Variants in NALCN observed in about 807,000 individuals in gnomAD.
NALCN encodes the protein sodium leak channel, non-selective, also known as sodium leak channel NALCN.
A neutral mutation model predicts 225.3 loss-of-function variants in NALCN; 111 were observed. That is an observed-to-expected ratio of 0.49 (90% confidence interval 0.42 to 0.58). The LOEUF is 0.58. Among genes scored for constraint, NALCN ranks in the 20% least tolerant of loss-of-function variants. The pLI is 0.00. For missense variants in NALCN, 1,378 were observed against 2,202.4 expected, an observed-to-expected ratio of 0.63 and a Z score of 7.49; for synonymous variants, 764 against 769.0, an observed-to-expected ratio of 0.99 and a Z score of 0.11.
chr13:101,351,588 A>C (rs2045909902), intron 6 of NALCN, among the ~76,000 whole-genome samples: 1 of 152,154 alleles, frequency 6.6e-6, no homozygotes, highest in Admixed American at 6.5e-5. Flanking sequence ...CAACACAAAG[A>C]TGATCATCTC....
At chr13:101,150,589 G>A (rs879894275) in intron 15 of NALCN, among the ~76,000 whole-genome samples, 1 of 152,064 alleles carries the variant, frequency 6.6e-6, no homozygotes, top group Non-Finnish European at 1.5e-5. Flanking sequence ...GATACACAAA[G>A]TATTACATGT....
At position 101,193,102 on chromosome 13, in the gene NALCN, C is replaced by CTTTT. The variant is rs5806199; in HGVS notation, c.1627-1052_1627-1049dup. 8.2e-4 allele frequency among the ~76,000 whole-genome samples: 117 copies of CTTTT among 142,314 alleles called. 2 individuals are homozygous for CTTTT. Among genetic ancestry groups the CTTTT allele is most frequent in the African/African-American group, 2.9e-3 (114 of 38,664 alleles). The allele number at this position is 142,314 out of a possible 152,430, so 93.4% of individuals were successfully genotyped here. On this transcript the variant is annotated intron_variant, in intron 13 of 43. Coordinates refer to ENST00000251127, the MANE Select transcript of NALCN (RefSeq NM_052867.4). ...TAAAGATGATTTCATCTGATTCCTTCTTTTTTTTTTTTTTTTGAAGATAAG... is the reference window on the plus strand; with the variant it reads ...TAAAGATGATTTCATCTGATTCCTTCTTTTTTTTTTTTTTTTTTTTGAAGATAAG...
intron 28 of NALCN, among the ~76,000 whole-genome samples, chr13:101,092,916 A>G (rs684866): frequency 0.14 from 21,694 of 152,092 alleles, 3,544 homozygotes; most frequent in African/African-American, 0.4. Flanking sequence ...CATATTATAT[A>G]AAATTATTTG....
At chr13:101,277,176 C>G (rs2042997327) in intron 10 of NALCN, among the ~76,000 whole-genome samples, 1 of 151,900 alleles carries the variant, frequency 6.6e-6, no homozygotes, top group Non-Finnish European at 1.5e-5. Context: ...AAAATTAAGC[C>G]ACCTTAATCA....
At chr13:101,171,851 TA>T (rs2038738854) in intron 15 of NALCN, among the ~76,000 whole-genome samples, 1 of 152,216 alleles carries the variant, frequency 6.6e-6, no homozygotes, top group South Asian at 2.1e-4. Flanking sequence ...ATGCCTCGAT[TA>T]AGCAATAAGA....
At chr13:101,353,956 G>C (rs914033138) in intron 6 of NALCN, among the ~76,000 whole-genome samples, 2 of 152,142 alleles carry the variant, frequency 1.3e-5, no homozygotes, top group Non-Finnish European at 2.9e-5. Context: ...TACTTTGCCA[G>C]TATGGATAAG....
At chr13:101,218,685 G>A (rs905559004) in intron 13 of NALCN, among the ~76,000 whole-genome samples, 33 of 152,062 alleles carry the variant, frequency 2.2e-4, no homozygotes, top group African/African-American at 7.5e-4. Flanking sequence ...CATGAAATCA[G>A]GTTGCTTAAA....
Position 101,075,960 on chromosome 13 carries a change from A to G in NALCN, c.3886-19T>C, listed in dbSNP as rs112155323. ...ATGCATTCTGAAATTTAAACAGAAG[A>G]CAGCTTCTCATAATTTGCACAAAAG... On this transcript the variant is annotated intron_variant, in intron 34 of 43. Coordinates refer to ENST00000251127, the MANE Select transcript of NALCN (RefSeq NM_052867.4). 2 of 1,602,130 alleles carry G rather than the reference A, an allele frequency of 1.2e-6. No homozygotes were observed. Among genetic ancestry groups the G allele is most frequent in the Non-Finnish European group, 1.7e-6 (2 of 1,175,104 alleles).
intron 13 of NALCN, among the ~76,000 whole-genome samples, chr13:101,204,162 G>C (rs188034516): frequency 7.6e-4 from 115 of 152,274 alleles, no homozygotes; most frequent in African/African-American, 2.7e-3. Flanking sequence ...TTTGGAATTA[G>C]AGATCTGTTG....
intron 11 of NALCN, among the ~76,000 whole-genome samples, chr13:101,248,351 C>T (rs1429161161): frequency 6.6e-6 from 1 of 152,084 alleles, no homozygotes; most frequent in African/African-American, 2.4e-5. Context: ...TAGTGTCAAC[C>T]AAACTAAAAG....
At chr13:101,312,577 T>C (rs1435924054) in intron 7 of NALCN, among the ~76,000 whole-genome samples, 1,077 of 131,742 alleles carry the variant, frequency 8.2e-3, no homozygotes, top group African/African-American at 0.017. Context: ...TTCTCGTTGG[T>C]TTCAAAGAAC....
chr13:101,127,415 G>A (rs1237953410), intron 17 of NALCN, among the ~76,000 whole-genome samples: 2 of 152,176 alleles, frequency 1.3e-5, no homozygotes, highest in African/African-American at 4.8e-5. Flanking sequence ...TTGGAGGGCA[G>A]TGGTGTGATC....
intron 9 of NALCN, among the ~76,000 whole-genome samples, chr13:101,289,470 T>C (rs2043465842): frequency 6.6e-6 from 1 of 151,670 alleles, no homozygotes; most frequent in Non-Finnish European, 1.5e-5. Context: ...TCAGAGCCAG[T>C]TCCTAGTGAG....
At chr13:101,231,349 G>A (rs953940662) in intron 12 of NALCN, among the ~76,000 whole-genome samples, 2 of 152,060 alleles carry the variant, frequency 1.3e-5, no homozygotes, top group African/African-American at 4.8e-5. Flanking sequence ...CTTTGTGTTG[G>A]ACAAATAGGA....
chr13:101,255,115 T>C (rs2042188535), intron 11 of NALCN, among the ~76,000 whole-genome samples: 1 of 152,010 alleles, frequency 6.6e-6, no homozygotes, highest in Non-Finnish European at 1.5e-5. Flanking sequence ...AATTCCACCA[T>C]CCAATCCTGT....
At chr13:101,194,554 T>C (rs887223575) in intron 13 of NALCN, among the ~76,000 whole-genome samples, 43 of 152,214 alleles carry the variant, frequency 2.8e-4, no homozygotes, top group African/African-American at 1.0e-3. Flanking sequence ...ACATTGTCCG[T>C]AGGGCCTGTG....
intron 7 of NALCN, among the ~76,000 whole-genome samples, chr13:101,324,276 C>A (rs112536143): frequency 6.6e-6 from 1 of 151,962 alleles, no homozygotes; most frequent in African/African-American, 2.4e-5. Flanking sequence ...TTAACACTGA[C>A]GAAAGCAAAA....
Position 101,104,255 on chromosome 13 carries a change from A to T in NALCN, c.2889+40T>A, listed in dbSNP as rs201354779. The T allele has an allele frequency of 6.4e-4, 992 of 1,559,462 alleles. 18 individuals are homozygous for T. The South Asian group carries it at 0.012, about 18-fold the overall frequency. On this transcript the variant is annotated intron_variant, in intron 25 of 43. Transcript: ENST00000251127. The surrounding 1 kb of genome is among the most constrained non-coding windows in gnomAD (Gnocchi z 4.2). ...CAAGAAATGCAGGAGATTTTACAAA[A>T]CCATTACATTTTTCATTTAGGCAAT...
chr13:101,256,247 C>G (rs114632322), intron 11 of NALCN, among the ~76,000 whole-genome samples: 1,753 of 152,264 alleles, frequency 0.012, 33 homozygotes, highest in African/African-American at 0.04. Context: ...TATTCCATCA[C>G]TTTGGTGGTA....
Sources: gnomAD v4.1 joint callset for allele counts (sites outside exome capture counted in the v4.1 genomes callset) on GRCh38, gnomAD v4.1.1 for gene constraint, Gnocchi (gnomAD v3.1) non-coding constraint, MANE v1.5 for transcripts, NCBI Gene and HGNC (gene_info 2026-07-23, HGNC 2026-07-21) for gene names.